The following RAF1 variants were observed in gnomAD, a reference collection of about 807,000 sequenced individuals.
RAF1 encodes Raf-1 proto-oncogene, serine/threonine kinase, also known as RAF proto-oncogene serine/threonine-protein kinase.
A neutral mutation model predicts 81.1 loss-of-function variants in RAF1; 27 were observed. That is an observed-to-expected ratio of 0.33 (90% confidence interval 0.25 to 0.46). RAF1 has a LOEUF of 0.46. Among genes scored for constraint, RAF1 ranks in the 20% least tolerant of loss-of-function variants. RAF1 has a pLI of 1.00. For missense variants in RAF1, 598 were observed against 826.0 expected (o/e 0.72, Z 3.38); for synonymous variants, 298 against 294.0 (o/e 1.01, Z -0.14).
chr3:12,647,092 C>G (rs897200760), intron 1 of RAF1, among the ~76,000 whole-genome samples: 13 of 150,452 alleles, frequency 8.6e-5, no homozygotes, highest in Non-Finnish European at 1.8e-4. Context: ...GTCAGGAGAT[C>G]GAGACCATCC....
chr3:12,587,742 G>A, intron 13 of RAF1, 105 bp from the exon 13 acceptor site: 5 of 936,608 alleles, frequency 5.3e-6, no homozygotes, highest in Non-Finnish European at 8.7e-6. Flanking sequence ...CTGGCTCCAA[G>A]GAGTGTTACA....
At chr3:12,587,962 CTTTTTTTTTTTT>C (rs33981119) in intron 13 of RAF1, 1 of 62,144 alleles carries the variant, frequency 1.6e-5, no homozygotes, top group East Asian at 5.7e-4. Context: ...ACCATGCCGC[CTTTTTTTTTTTT>C]TTTTTTTTTT....
chr3:12,618,638 G>A lies in RAF1; in HGVS notation c.84C>T (p.Ile28=), dbSNP rs2059451026. ...CAAACTGCTGAACTATTGTAGGAGA[G>A]ATGCAGCTGGAGCCATCAAACACGG... The change falls in exon 2 of 18, where the codon ATC becomes ATT. Residue 28 remains isoleucine, a synonymous_variant. Coordinates refer to ENST00000442415, the MANE Select transcript of RAF1 (RefSeq NM_001354689.3). 1.2e-6 allele frequency: 2 copies of A among 1,614,092 alleles called. No homozygotes were observed. The highest frequency in any genetic ancestry group is 3.3e-5 in the Admixed American group (2 of 59,998).
intron 1 of RAF1, among the ~76,000 whole-genome samples, chr3:12,620,684 C>T (rs973301321): frequency 3.9e-5 from 6 of 151,998 alleles, no homozygotes; most frequent in Non-Finnish European, 5.9e-5. Context: ...CACTATGTTG[C>T]CCAGGCTGGT....
intron 14 of RAF1, chr3:12,587,387 C>T: frequency 3.1e-6 from 2 of 636,348 alleles, no homozygotes; most frequent in Non-Finnish European, 5.7e-6. Context: ...CTAAACATCG[C>T]TCTCATCAGT....
intron 1 of RAF1, among the ~76,000 whole-genome samples, chr3:12,649,589 T>TCACACA (rs3072126): frequency 4.7e-5 from 7 of 150,354 alleles, no homozygotes; most frequent in Admixed American, 1.3e-4. Context: ...CCAGAGACTG[T>TCACACA]CACACACACA....
At chr3:12,612,722 A>C (rs1488788156) in intron 2 of RAF1, among the ~76,000 whole-genome samples, 2 of 152,092 alleles carry the variant, frequency 1.3e-5, no homozygotes, top group Non-Finnish European at 2.9e-5. Flanking sequence ...CTAGCTGTTC[A>C]CATCAAGAGA....
At chr3:12,659,947 A>C (rs565380619) in intron 1 of RAF1, among the ~76,000 whole-genome samples, 1 of 152,168 alleles carries the variant, frequency 6.6e-6, no homozygotes, top group Non-Finnish European at 1.5e-5. Flanking sequence ...ACAAAGATTT[A>C]CCTGAAATTT....
chr3:12,606,695 C>A (rs2059040419), intron 5 of RAF1, among the ~76,000 whole-genome samples: 1 of 151,656 alleles, frequency 6.6e-6, no homozygotes, highest in Admixed American at 6.6e-5. Flanking sequence ...CCATGCCCAG[C>A]TAATTTTCGT....
intron 1 of RAF1, among the ~76,000 whole-genome samples, chr3:12,659,965 G>A (rs2060824325): frequency 6.6e-6 from 1 of 152,066 alleles, no homozygotes; most frequent in Non-Finnish European, 1.5e-5. Flanking sequence ...TTTAAATGTA[G>A]AATCATACAT....
chr3:12,643,393 G>C (rs2060249398), intron 1 of RAF1, among the ~76,000 whole-genome samples: 1 of 142,390 alleles, frequency 7.0e-6, no homozygotes, highest in South Asian at 2.1e-4. Context: ...ATCAAAGTAA[G>C]AAAAGAGTAA....
chr3:12,603,608 T>C, intron 7 of RAF1: 2 of 642,500 alleles, frequency 3.1e-6, no homozygotes, highest in Admixed American at 5.1e-5. Flanking sequence ...TCAGTTGTTA[T>C]TAAAGATGAA....
intron 2 of RAF1, among the ~76,000 whole-genome samples, chr3:12,617,394 C>G (rs899788225): frequency 5.9e-5 from 9 of 152,020 alleles, no homozygotes; most frequent in African/African-American, 1.7e-4. Context: ...GGATTACAGG[C>G]GTAAGCCACT....
chr3:12,619,338 C>G (rs573679670), intron 1 of RAF1, among the ~76,000 whole-genome samples: 4 of 151,970 alleles, frequency 2.6e-5, no homozygotes, highest in African/African-American at 9.7e-5. Context: ...CCGAGGCCAG[C>G]GCATCACTTG....
rs71063852 is a variant in RAF1, at chr3:12,635,318, C to CAA, written c.-26-16573_-26-16572dup. On this transcript the variant is annotated intron_variant, in intron 1 of 17. Coordinates refer to ENST00000442415, the MANE Select transcript of RAF1 (RefSeq NM_001354689.3). ...TGGGTGACAGAGGGAGACCCTGTCT[C>CAA]AAAAAAAAAAAAAAAAAAAAAAAAA... is the stretch of plus-strand genomic sequence containing the variant. 1.8e-4 allele frequency among the ~76,000 whole-genome samples: 5 copies of CAA among 27,638 alleles called. 1 individual carries two copies. The highest frequency in any genetic ancestry group is 3.1e-4 in the Non-Finnish European group (5 of 16,334). 18.1% of individuals were successfully genotyped at this position (27,638 alleles called of 152,430 possible). A position where few individuals can be genotyped will look rare whatever the true frequency, so the allele number is the denominator to read the frequency against.
At chr3:12,588,667 T>C (rs2058407902) in intron 13 of RAF1, 1 of 152,200 alleles carries the variant, frequency 6.6e-6, no homozygotes, top group Non-Finnish European at 1.5e-5. Context: ...CTGACTATAT[T>C]ATATCTTACA....
intron 1 of RAF1, among the ~76,000 whole-genome samples, chr3:12,643,434 G>C (rs1327463044): frequency 2.0e-5 from 3 of 152,086 alleles, no homozygotes; most frequent in East Asian, 1.9e-4. Flanking sequence ...TTGCCAAAAA[G>C]TGACTTGTTT....
chr3:12,615,360 A>T lies in RAF1; in HGVS notation c.207+3155T>A, dbSNP rs529755089. Among the ~76,000 whole-genome samples, 47 of 152,362 alleles carry T rather than the reference A, an allele frequency of 3.1e-4. 1 individual carries two copies. Among genetic ancestry groups the T allele is most frequent in the Admixed American group, 5.9e-4 (9 of 15,304 alleles). On this transcript the variant is annotated intron_variant, in intron 2 of 17. Coordinates refer to ENST00000442415, the MANE Select transcript of RAF1 (RefSeq NM_001354689.3). ...TAATTATCACATCTAAAATTATTTAAATCAGATACGCGTCCTCTGTCTCAT... is the reference window on the plus strand; with the variant it reads ...TAATTATCACATCTAAAATTATTTATATCAGATACGCGTCCTCTGTCTCAT...
intron 13 of RAF1, chr3:12,588,651 T>C (rs923083059): frequency 6.6e-6 from 1 of 152,266 alleles, no homozygotes; most frequent in African/African-American, 2.4e-5. Flanking sequence ...CATCATTATA[T>C]GTTACCTGAC....
Sources: gnomAD v4.1 joint callset for allele counts (sites outside exome capture counted in the v4.1 genomes callset) on GRCh38, gnomAD v4.1.1 for gene constraint, MANE v1.5 for transcripts, NCBI Gene and HGNC (gene_info 2026-07-23, HGNC 2026-07-21) for gene names.